The following GIGYF2 variants were observed in gnomAD, a reference collection of about 807,000 sequenced individuals.
GIGYF2 encodes the protein GRB10 interacting GYF protein 2.
Under a neutral mutation model 208.1 loss-of-function variants are expected in GIGYF2, and 25 were observed. That is an observed-to-expected ratio of 0.12 (90% CI 0.09 to 0.17). GIGYF2 has a LOEUF of 0.17. Ranked by LOEUF, GIGYF2 falls within the 10% of genes least tolerant of loss-of-function variation. GIGYF2 has a pLI of 1.00. For synonymous variants in GIGYF2, 534 were observed against 543.8 expected, an observed-to-expected ratio of 0.98 and a Z score of 0.25; for missense variants, 1,302 against 1,579.4, an observed-to-expected ratio of 0.82 and a Z score of 2.98.
intron 8 of GIGYF2, among the ~76,000 whole-genome samples, chr2:232,780,527 G>C (rs189483286): frequency 6.6e-6 from 1 of 152,088 alleles, no homozygotes; most frequent in African/African-American, 2.4e-5. Flanking sequence ...AAATTCTGAC[G>C]AAAGCTGTAG....
intron 28 of GIGYF2, among the ~76,000 whole-genome samples, chr2:232,851,675 C>T (rs1037359366): frequency 2.0e-5 from 3 of 152,214 alleles, no homozygotes; most frequent in Admixed American, 2.0e-4. Flanking sequence ...TTGCCTTGGC[C>T]TCCCAAAGTG....
chr2:232,701,611 A>G (rs1286764912), intron 1 of GIGYF2, among the ~76,000 whole-genome samples: 1 of 151,660 alleles, frequency 6.6e-6, no homozygotes, highest in Non-Finnish European at 1.5e-5. Flanking sequence ...TTTTGTAGAG[A>G]TGGGGTCTCA....
At chr2:232,773,610 C>G (rs1307541413) in intron 8 of GIGYF2, among the ~76,000 whole-genome samples, 1 of 152,066 alleles carries the variant, frequency 6.6e-6, no homozygotes, top group East Asian at 1.9e-4. Flanking sequence ...GAAACTGTCT[C>G]AAGTATCTGT....
rs745708947 is a variant in GIGYF2 at position 232,844,066 on chromosome 2, G to A, written c.2910G>A (p.Glu970=). The A allele has an allele frequency of 1.1e-5, 17 of 1,612,710 alleles. No homozygotes were observed. Among genetic ancestry groups the A allele is most frequent in the Non-Finnish European group, 1.4e-5 (17 of 1,179,084 alleles). Residue 970 remains glutamate (E), a synonymous_variant, in exon 24 of 29, where the codon GAG becomes GAA. Transcript: ENST00000373563. ...AACAGCAAAGGCGCCAGCAGAGGGA[G>A]TTGATGAAAGCTCTTCAGCAGCAGC... The part of the protein sequence containing the change: ...LREEQRRQQR[E]LMKALQQQQQ...
chr2:232,831,017 A>G (rs1200385578), intron 21 of GIGYF2, among the ~76,000 whole-genome samples: 1 of 152,162 alleles, frequency 6.6e-6, no homozygotes, highest in Non-Finnish European at 1.5e-5. Context: ...TTTCTCATGA[A>G]TAGACTGGAC....
chr2:232,765,480 T>C (rs939113112), intron 8 of GIGYF2: 2 of 152,422 alleles, frequency 1.3e-5, no homozygotes, highest in African/African-American at 4.8e-5. Flanking sequence ...TCTTTAGATG[T>C]AAGATGTCTT....
chr2:232,787,019 T>C, intron 8 of GIGYF2, 131 bp from the exon 9 acceptor site: 1 of 568,386 alleles, frequency 1.8e-6, no homozygotes, highest in Non-Finnish European at 3.0e-6. Context: ...CCCACTGTTA[T>C]TTTAGTGATT....
Position 232,756,275 on chromosome 2 carries a change from G to A in GIGYF2, c.320G>A (p.Arg107Gln). The A allele has an allele frequency of 6.4e-7, 1 of 1,558,256 alleles. No homozygotes were observed. Among genetic ancestry groups the A allele is most frequent in the Non-Finnish European group, 8.7e-7 (1 of 1,147,442 alleles). ...GCTGCTGTCCTGCGATTGACAGGAC[G>A]AGGAGGAGGAGGAACAGTGGTGGGG... ...NSAAVLRLTG[R>Q]GGGGTVVGAP... Residue 107 changes from arginine to glutamine, a missense_variant, in exon 6 of 29, where the codon CGA (arginine) becomes CAA (glutamine). Coordinates refer to ENST00000373563, the MANE Select transcript of GIGYF2 (RefSeq NM_001103146.3).
intron 2 of GIGYF2, among the ~76,000 whole-genome samples, chr2:232,726,484 T>C (rs576047350): frequency 6.6e-6 from 1 of 152,066 alleles, no homozygotes; most frequent in African/African-American, 2.4e-5. Context: ...TGCATGCCTA[T>C]AGTTTCAGCC....
intron 14 of GIGYF2, among the ~76,000 whole-genome samples, chr2:232,801,637 A>C (rs780009122): frequency 3.9e-5 from 6 of 152,246 alleles, no homozygotes; most frequent in Non-Finnish European, 8.8e-5. Context: ...TATAGTGAGA[A>C]CACTTAAAAA....
chr2:232,738,611 G>A (rs1440515296), intron 3 of GIGYF2, among the ~76,000 whole-genome samples: 2 of 152,152 alleles, frequency 1.3e-5, no homozygotes, highest in African/African-American at 4.8e-5. Context: ...TTTTTGTACA[G>A]TTTGTTTACT....
chr2:232,823,370 T>C (rs1416730900), intron 21 of GIGYF2, among the ~76,000 whole-genome samples: 5 of 150,180 alleles, frequency 3.3e-5, no homozygotes, highest in African/African-American at 1.2e-4. Flanking sequence ...TTTCTTTCTT[T>C]TTTTTTTTTT....
At chr2:232,702,441 A>T (rs1160343543) in intron 1 of GIGYF2, among the ~76,000 whole-genome samples, 1 of 151,852 alleles carries the variant, frequency 6.6e-6, no homozygotes, top group East Asian at 1.9e-4. Context: ...TCTGTCTCCA[A>T]AAAAAGAAAA....
chr2:232,709,517 T>C (rs756216094), intron 2 of GIGYF2, among the ~76,000 whole-genome samples: 68 of 152,032 alleles, frequency 4.5e-4, no homozygotes, highest in Non-Finnish European at 9.6e-4. Flanking sequence ...CTTTTTAAAA[T>C]TTTTTCATAG....
At chr2:232,747,242 T>C (rs1483409260) in intron 3 of GIGYF2, among the ~76,000 whole-genome samples, 1 of 152,228 alleles carries the variant, frequency 6.6e-6, no homozygotes, top group Non-Finnish European at 1.5e-5. Context: ...CAACACCTGG[T>C]ATTATCAGAC....
At chr2:232,786,591 T>C (rs546218045) in intron 8 of GIGYF2, among the ~76,000 whole-genome samples, 6 of 152,328 alleles carry the variant, frequency 3.9e-5, no homozygotes, top group Non-Finnish European at 7.3e-5. Flanking sequence ...TGTACAGATA[T>C]CATGTTTAGG....
At chr2:232,763,688 G>A (rs892797894) in intron 8 of GIGYF2, among the ~76,000 whole-genome samples, 4 of 151,988 alleles carry the variant, frequency 2.6e-5, no homozygotes, top group Admixed American at 1.3e-4. Flanking sequence ...AATTAGCCAG[G>A]CGTGGTGGGT....
In GIGYF2 at chr2:232,812,737, G is replaced by A. The variant is rs148808276; in HGVS notation, c.2107+246G>A. ...GTCAGCATCTCTTTTATGTTGTTCT[G>A]ATCAGTGTGGAAAAATCATTTAAAT... On this transcript the variant is annotated intron_variant, in intron 18 of 28. Transcript: ENST00000373563. 3.3e-5 allele frequency among the ~76,000 whole-genome samples: 5 copies of A among 151,842 alleles called. No homozygotes were observed. In the East Asian group the frequency reaches 9.7e-4, roughly 29 times the overall value.
intron 12 of GIGYF2, 99 bp from the exon 13 acceptor site, chr2:232,794,649 G>C (rs1176044434): frequency 2.8e-5 from 25 of 904,098 alleles, no homozygotes; most frequent in Non-Finnish European, 4.3e-5. Context: ...CACGTTTTCT[G>C]TTTGGCCCAT....
Sources: allele counts gnomAD v4.1 joint callset (sites outside exome capture counted in the v4.1 genomes callset), GRCh38; gene constraint gnomAD v4.1.1; transcripts MANE v1.5; gene names NCBI Gene and HGNC (gene_info 2026-07-23, HGNC 2026-07-21).